SMARCC1: variants seen among roughly 807,000 people sequenced by gnomAD.
SMARCC1 encodes the protein SWI/SNF related BAF chromatin remodeling complex subunit C1.
SMARCC1 carries 43 observed loss-of-function variants against 147.4 expected under a neutral mutation model. The ratio of observed to expected loss-of-function variants is 0.29; its 90% CI spans 0.23 to 0.38. The LOEUF (loss-of-function observed/expected upper bound fraction) is 0.38. Ranked by LOEUF, SMARCC1 falls within the 10% of genes least tolerant of loss-of-function variation. The pLI is 1.00. For synonymous variants in SMARCC1, 495 were observed against 484.4 expected (o/e 1.02, Z -0.29); for missense variants, 1,119 against 1,381.1 (o/e 0.81, Z 3.01).
chr3:47,591,825 G>A (rs1024594242), intron 26 of SMARCC1, among the ~76,000 whole-genome samples: 3 of 152,162 alleles, frequency 2.0e-5, no homozygotes, highest in East Asian at 1.9e-4. Context: ...GATTACAGGC[G>A]TGAGCCACTC....
At chr3:47,642,375 A>G (rs912760614) in intron 21 of SMARCC1, among the ~76,000 whole-genome samples, 1 of 152,134 alleles carries the variant, frequency 6.6e-6, no homozygotes, top group African/African-American at 2.4e-5. Context: ...GGATCACTTG[A>G]GGTAAGGAGT....
At chr3:47,665,364 T>G (rs2033407804) in intron 19 of SMARCC1, among the ~76,000 whole-genome samples, 1 of 152,178 alleles carries the variant, frequency 6.6e-6, no homozygotes, top group South Asian at 2.1e-4. Context: ...TAAATCTCAC[T>G]CGGGTCCACG....
Position 47,710,694 on chromosome 3 carries a change from T to C in SMARCC1, c.907A>G (p.Lys303Glu), listed in dbSNP as rs2034074298. The C allele has an allele frequency of 6.2e-7, 1 of 1,613,724 alleles. No homozygotes were observed. Among genetic ancestry groups the C allele is most frequent in the Non-Finnish European group, 8.5e-7 (1 of 1,179,890 alleles). The part of the protein sequence containing the change: ...PVSFRQRIST[K>E]NEEPVRSPER... ...GCCAAAGAAAATACCTCTTCATTCTTGGTTGAAATCCGCTGACGAAAACTC... is the reference window on the plus strand; with the variant it reads ...GCCAAAGAAAATACCTCTTCATTCTCGGTTGAAATCCGCTGACGAAAACTC... Residue 303 changes from lysine (K) to glutamate (E), a missense_variant, in exon 9 of 28, where the codon AAG becomes GAG. Physicochemically the swap from Lys to Glu is moderately conservative, Grantham distance 56 (BLOSUM62 1). Around this residue, in one of 6 missense-constraint regions of SMARCC1, gnomAD observed 542 missense variants for 611.8 expected, o/e 0.89. Coordinates refer to ENST00000254480, the MANE Select transcript of SMARCC1 (RefSeq NM_003074.4).
At chr3:47,593,227 T>C (rs994865817) in intron 26 of SMARCC1, among the ~76,000 whole-genome samples, 4 of 151,656 alleles carry the variant, frequency 2.6e-5, no homozygotes, top group Non-Finnish European at 5.9e-5. Context: ...AGAATCTCGC[T>C]GTGTCGCGAT....
At chr3:47,663,626 G>C in intron 19 of SMARCC1, 1 of 1,505,200 alleles carries the variant, frequency 6.6e-7, no homozygotes, top group Non-Finnish European at 9.2e-7. Context: ...TGGCGACTCC[G>C]GCCCTGTGAT....
chr3:47,702,767 T>C (rs2033939460), intron 10 of SMARCC1, among the ~76,000 whole-genome samples: 1 of 152,062 alleles, frequency 6.6e-6, no homozygotes, highest in Non-Finnish European at 1.5e-5. Context: ...CCCAGACTAT[T>C]TTTCTTTCTC....
chr3:47,598,721 T>C (rs1055311333), intron 26 of SMARCC1, among the ~76,000 whole-genome samples: 4 of 150,258 alleles, frequency 2.7e-5, no homozygotes, highest in East Asian at 2.0e-4. Context: ...TCACAGCTAC[T>C]TGGGAGGCTG....
At position 47,658,737 on chromosome 3, in the gene SMARCC1, C is replaced by A. The variant is rs756230937; in HGVS notation, c.2320+2557G>T. 1.6e-4 allele frequency among the ~76,000 whole-genome samples: 25 copies of A among 152,262 alleles called. No homozygotes were observed. The Middle Eastern group carries it at 0.017, about 104-fold the overall frequency. On this transcript the variant is annotated intron_variant, in intron 21 of 27. Transcript: ENST00000254480. The stretch of plus-strand genomic sequence containing the variant: ...ATTTTTTGCCAACAAATTAGATAAT[C>A]TACATGAAACGAATAAATTCCTATA...
intron 21 of SMARCC1, among the ~76,000 whole-genome samples, chr3:47,644,347 T>C (rs1341794098): frequency 6.6e-6 from 1 of 151,822 alleles, no homozygotes; most frequent in Non-Finnish European, 1.5e-5. Flanking sequence ...AAAAACAAAA[T>C]TAGCTGAGCA....
At chr3:47,617,918 G>T in intron 25 of SMARCC1, among the ~76,000 whole-genome samples, 1 of 152,116 alleles carries the variant, frequency 6.6e-6, no homozygotes, top group East Asian at 1.9e-4. Context: ...GAACATTATA[G>T]CTCCCATTTT....
intron 21 of SMARCC1, 109 bp from the exon 22 acceptor site, chr3:47,638,889 CG>C (rs1156359781): frequency 1.3e-6 from 1 of 772,946 alleles, no homozygotes; most frequent in Non-Finnish European, 2.3e-6. Context: ...TAATACATAA[CG>C]AATATCATAG....
chr3:47,663,582 G>A, intron 19 of SMARCC1: 2 of 1,387,746 alleles, frequency 1.4e-6, no homozygotes, highest in Admixed American at 1.9e-5. Flanking sequence ...CCTGTCTTAG[G>A]TCGCGATTTT....
intron 2 of SMARCC1, among the ~76,000 whole-genome samples, chr3:47,770,814 TTAAC>T (rs1427050961): frequency 6.6e-6 from 1 of 152,154 alleles, no homozygotes; most frequent in Non-Finnish European, 1.5e-5. Context: ...ATCAATATAT[TTAAC>T]TAAATTTCTT....
intron 1 of SMARCC1, among the ~76,000 whole-genome samples, chr3:47,773,415 C>CAAAAAAAAAAAAAA (rs751850101): frequency 1.4e-5 from 1 of 71,002 alleles, no homozygotes; most frequent in Non-Finnish European, 2.9e-5. Flanking sequence ...TGTTTTTTAC[C>CAAAAAAAAAAAAAA]AAAAAAAAAA....
intron 19 of SMARCC1, chr3:47,670,220 C>G (rs2033477383): frequency 6.3e-6 from 1 of 158,322 alleles, no homozygotes; most frequent in South Asian, 2.0e-4. Flanking sequence ...GATGGCTGTT[C>G]TAAAGGAAAA....
At chr3:47,611,953 T>C (rs982828961) in intron 25 of SMARCC1, among the ~76,000 whole-genome samples, 2 of 152,080 alleles carry the variant, frequency 1.3e-5, no homozygotes, top group African/African-American at 4.8e-5. Flanking sequence ...GAGAGGGAGA[T>C]TTTCTGAAAC....
At chr3:47,615,513 A>C (rs1259595488) in intron 25 of SMARCC1, among the ~76,000 whole-genome samples, 2 of 151,438 alleles carry the variant, frequency 1.3e-5, no homozygotes, top group Admixed American at 1.3e-4. Flanking sequence ...GCTGACCATG[A>C]CCTCCCCTTT....
At chr3:47,600,458 G>C (rs2032364777) in intron 26 of SMARCC1, among the ~76,000 whole-genome samples, 1 of 152,140 alleles carries the variant, frequency 6.6e-6, no homozygotes, top group Admixed American at 6.6e-5. Flanking sequence ...TTATCTCTCT[G>C]AAGTCTCCAG....
chr3:47,588,093 T>G lies in SMARCC1; in HGVS notation c.*116A>C. ...AGTGGGGAGGCACGGGACACGTGCT[T>G]GGAGCTGTGAGAAGAAAAATCCTGA... On this transcript the variant is annotated 3_prime_UTR_variant, in exon 28 of 28. Coordinates refer to ENST00000254480, the MANE Select transcript of SMARCC1 (RefSeq NM_003074.4). 3 of 804,034 alleles carry G rather than the reference T, an allele frequency of 3.7e-6. No individual in the cohort carries two copies. The highest frequency in any genetic ancestry group is 4.1e-6 in the Non-Finnish European group (2 of 488,142). The allele number at this position is 804,034 out of a possible 1,614,324, so 49.8% of individuals were successfully genotyped here. A position where few individuals can be genotyped will look rare whatever the true frequency, so the allele number is the denominator to read the frequency against.
Sources: gnomAD v4.1 joint callset for allele counts (sites outside exome capture counted in the v4.1 genomes callset) on GRCh38, gnomAD v4.1.1 for gene constraint, gnomAD v4.1.1 regional missense constraint, MANE v1.5 for transcripts, NCBI Gene and HGNC (gene_info 2026-07-23, HGNC 2026-07-21) for gene names.